The following LYPLAL1 variants were observed in gnomAD, a reference collection of about 807,000 sequenced individuals.
LYPLAL1 encodes the protein lysophospholipase-like protein 1.
In LYPLAL1, 23 loss-of-function variants were observed where a neutral mutation model predicts 19.7. That is an observed-to-expected ratio of 1.17 (90% confidence interval 0.84 to 1.65). LYPLAL1 has a LOEUF of 1.65. Ranked by LOEUF, LYPLAL1 falls within the 40% of genes most tolerant of loss-of-function variation. The pLI, the probability that LYPLAL1 is intolerant of heterozygous loss-of-function variation, is 0.00. For missense variants in LYPLAL1, 355 were observed against 279.4 expected (o/e 1.27, Z -1.93); for synonymous variants, 119 against 96.3 (o/e 1.24, Z -1.38).
downstream of LYPLAL1, among the ~76,000 whole-genome samples, chr1:219,217,407 T>TGTGTGTGTGTGAGA (rs1225833975): frequency 8.6e-6 from 1 of 116,156 alleles, no homozygotes; most frequent in Non-Finnish European, 1.9e-5. Flanking sequence ...TGTGTGTGTG[T>TGTGTGTGTGTGAGA]GAGAGATGGT....
chr1:219,392,261 C>T, the LYPLAL1 span, among the ~76,000 whole-genome samples: 1 of 152,070 alleles, frequency 6.6e-6, no homozygotes, highest in Non-Finnish European at 1.5e-5. Flanking sequence ...ACTTGATCCT[C>T]GATGTGCAGG....
chr1:219,259,589 A>C, the LYPLAL1 span, among the ~76,000 whole-genome samples: 12 of 151,626 alleles, frequency 7.9e-5, no homozygotes, highest in Non-Finnish European at 1.5e-4. Context: ...GAGCTAAGCT[A>C]CACGGACACA....
chr1:219,237,026 T>A, the LYPLAL1 span, among the ~76,000 whole-genome samples: 73 of 152,226 alleles, frequency 4.8e-4, no homozygotes, highest in African/African-American at 1.6e-3. Context: ...ATTGTATTGG[T>A]CCATAAAAAT....
the LYPLAL1 span, among the ~76,000 whole-genome samples, chr1:219,305,543 T>G: frequency 6.6e-6 from 1 of 152,206 alleles, no homozygotes; most frequent in Admixed American, 6.5e-5. Context: ...TTGTGAAGCC[T>G]ATAATGGCTG....
the LYPLAL1 span, among the ~76,000 whole-genome samples, chr1:219,327,741 A>G: frequency 4.6e-5 from 7 of 152,148 alleles, 1 homozygote; most frequent in Non-Finnish European, 1.0e-4. Flanking sequence ...TCCCCATACT[A>G]TTCTCTTAGT....
the LYPLAL1 span, among the ~76,000 whole-genome samples, chr1:219,440,502 C>T: frequency 6.6e-6 from 1 of 152,006 alleles, no homozygotes; most frequent in Non-Finnish European, 1.5e-5. Context: ...ACTCAGGAGC[C>T]ATCCTGAGGA....
intron 3 of LYPLAL1, chr1:219,198,480 A>G (rs1430294937): frequency 6.6e-6 from 1 of 152,094 alleles, no homozygotes; most frequent in Non-Finnish European, 1.5e-5. Flanking sequence ...ATGATTACAC[A>G]TTTGATATAT....
the LYPLAL1 span, among the ~76,000 whole-genome samples, chr1:219,407,754 T>C: frequency 6.6e-6 from 1 of 152,192 alleles, no homozygotes; most frequent in Non-Finnish European, 1.5e-5. Flanking sequence ...CAAACTACCC[T>C]AGACTGGGTA....
chr1:219,396,544 T>C, the LYPLAL1 span, among the ~76,000 whole-genome samples: 1 of 152,224 alleles, frequency 6.6e-6, no homozygotes, highest in African/African-American at 2.4e-5. Flanking sequence ...TCTTCCTATC[T>C]GTGGTCATAG....
chr1:219,312,780 G>A, the LYPLAL1 span, among the ~76,000 whole-genome samples: 4 of 152,144 alleles, frequency 2.6e-5, no homozygotes, highest in South Asian at 2.1e-4. Flanking sequence ...ACCTGAAGGC[G>A]ATAGGCTGCG....
At chr1:219,312,784 G>A in the LYPLAL1 span, among the ~76,000 whole-genome samples, 1 of 152,162 alleles carries the variant, frequency 6.6e-6, no homozygotes, top group Non-Finnish European at 1.5e-5. Context: ...GAAGGCGATA[G>A]GCTGCGTTAG....
the LYPLAL1 span, among the ~76,000 whole-genome samples, chr1:219,416,362 A>T: frequency 2.0e-5 from 3 of 152,040 alleles, no homozygotes; most frequent in African/African-American, 7.2e-5. Flanking sequence ...CTCACCTGGG[A>T]TTTGCCCAAT....
intron 3 of LYPLAL1, among the ~76,000 whole-genome samples, chr1:219,197,230 A>G (rs1004711413): frequency 6.6e-6 from 1 of 152,200 alleles, no homozygotes; most frequent in Non-Finnish European, 1.5e-5. Context: ...TTCAAACTAT[A>G]CTACAAGGCT....
the LYPLAL1 span, among the ~76,000 whole-genome samples, chr1:219,318,222 C>A: frequency 6.6e-6 from 1 of 151,910 alleles, no homozygotes; most frequent in Non-Finnish European, 1.5e-5. Context: ...TTATCAATAT[C>A]TATCATGCTT....
At chr1:219,205,459 C>T (rs2125103662) in intron 3 of LYPLAL1, among the ~76,000 whole-genome samples, 1 of 151,138 alleles carries the variant, frequency 6.6e-6, no homozygotes, top group East Asian at 1.9e-4. Context: ...GAAAGACTTT[C>T]AAATTAGTAT....
chr1:219,410,491 C>A, the LYPLAL1 span, among the ~76,000 whole-genome samples: 1 of 152,216 alleles, frequency 6.6e-6, no homozygotes, highest in Admixed American at 6.5e-5. Context: ...AGCGTGCTGG[C>A]AGTCCTCAGA....
the LYPLAL1 span, among the ~76,000 whole-genome samples, chr1:219,326,163 C>G: frequency 6.6e-6 from 1 of 152,108 alleles, no homozygotes; most frequent in Non-Finnish European, 1.5e-5. Context: ...ACCCGCCTGC[C>G]TCGGCCTCTC....
At chr1:219,434,839 G>A in the LYPLAL1 span, among the ~76,000 whole-genome samples, 39 of 152,018 alleles carry the variant, frequency 2.6e-4, no homozygotes, top group Non-Finnish European at 4.9e-4. Context: ...ATAATCAGCC[G>A]TGTTCTTAGG....
At chr1:219,440,996 A>C in the LYPLAL1 span, among the ~76,000 whole-genome samples, 9 of 152,324 alleles carry the variant, frequency 5.9e-5, no homozygotes, top group African/African-American at 1.2e-4. Context: ...GAGCCTCTAG[A>C]TCCAACTAAT....
Sources: allele counts gnomAD v4.1 joint callset (sites outside exome capture counted in the v4.1 genomes callset), GRCh38; gene constraint gnomAD v4.1.1; transcripts MANE v1.5; gene names NCBI Gene and HGNC (gene_info 2026-07-23, HGNC 2026-07-21).